Variants in LRMDA observed in about 807,000 individuals in gnomAD.
The protein encoded by LRMDA is leucine-rich melanocyte differentiation-associated protein.
Under a neutral mutation model 29.8 loss-of-function variants are expected in LRMDA, and 18 were observed. That is an observed-to-expected ratio of 0.60 (90% CI 0.42 to 0.90). LRMDA has a LOEUF of 0.90. Ranked by LOEUF, LRMDA falls within the 40% of genes least tolerant of loss-of-function variation. LRMDA has a pLI of 0.00. For synonymous variants in LRMDA, 125 were observed against 109.4 expected, an observed-to-expected ratio of 1.14 and a Z score of -0.89; for missense variants, 273 against 273.9, an observed-to-expected ratio of 1.00 and a Z score of 0.02.
chr10:75,770,966 C>T (rs754056504), intron 2 of LRMDA, among the ~76,000 whole-genome samples: 10 of 152,066 alleles, frequency 6.6e-5, no homozygotes, highest in Non-Finnish European at 1.2e-4. Flanking sequence ...ACAAATTTCA[C>T]AATGGGGCGA....
At chr10:75,452,575 C>CT (rs10636455) in intron 2 of LRMDA, among the ~76,000 whole-genome samples, 2,091 of 117,290 alleles carry the variant, frequency 0.018, 86 homozygotes, top group African/African-American at 0.054. Flanking sequence ...CAGGATATGA[C>CT]TTTTTTTTTT....
chr10:75,512,101 C>T (rs1270966008), intron 2 of LRMDA, among the ~76,000 whole-genome samples: 1 of 152,224 alleles, frequency 6.6e-6, no homozygotes, highest in African/African-American at 2.4e-5. Context: ...ACCACATCAT[C>T]TACACTTTCA....
At chr10:76,168,525 A>C (rs1268022990) in intron 5 of LRMDA, among the ~76,000 whole-genome samples, 4 of 152,334 alleles carry the variant, frequency 2.6e-5, no homozygotes, top group African/African-American at 9.6e-5. Context: ...GAACTTGGCG[A>C]ACTTGGTGAT....
intron 2 of LRMDA, among the ~76,000 whole-genome samples, chr10:75,840,974 A>G (rs1488454480): frequency 6.6e-6 from 1 of 152,226 alleles, no homozygotes; most frequent in Non-Finnish European, 1.5e-5. Context: ...AAAGACCAAT[A>G]TCTCTACTGT....
At chr10:75,807,886 A>T (rs923136656) in intron 2 of LRMDA, among the ~76,000 whole-genome samples, 1 of 152,178 alleles carries the variant, frequency 6.6e-6, no homozygotes, top group Non-Finnish European at 1.5e-5. Context: ...AGCAATGGAC[A>T]TATTTCTGAG....
intron 2 of LRMDA, among the ~76,000 whole-genome samples, chr10:75,466,144 C>T (rs1844647493): frequency 6.6e-6 from 1 of 152,192 alleles, no homozygotes; most frequent in Non-Finnish European, 1.5e-5. Flanking sequence ...GGGTGCTTGC[C>T]TGGCTTCCCA....
chr10:75,509,916 A>C (rs1465399692), intron 2 of LRMDA, among the ~76,000 whole-genome samples: 2 of 152,152 alleles, frequency 1.3e-5, no homozygotes, highest in African/African-American at 4.8e-5. Flanking sequence ...GGGGCTACTG[A>C]TTGTGTGACT....
chr10:76,053,873 C>T (rs1848568776), intron 4 of LRMDA, among the ~76,000 whole-genome samples: 1 of 152,222 alleles, frequency 6.6e-6, no homozygotes, highest in Non-Finnish European at 1.5e-5. Context: ...GCAGCATCAG[C>T]ATCACCTGGG....
rs562776798 is a variant in LRMDA at position 76,026,156 on chromosome 10, G to A, written c.132-9852G>A. The stretch of plus-strand genomic sequence containing the variant: ...TACAGAGTGAAAGGAAAAAGAACTC[G>A]AAAACCATTTAGGTTCATCATTATA... On this transcript the variant is annotated intron_variant, in intron 2 of 6. Coordinates refer to ENST00000611255, the MANE Select transcript of LRMDA (RefSeq NM_001305581.2). 9.9e-5 allele frequency among the ~76,000 whole-genome samples: 15 copies of A among 152,242 alleles called. No homozygotes were observed. The South Asian group carries it at 2.3e-3, about 23-fold the overall frequency.
intron 5 of LRMDA, among the ~76,000 whole-genome samples, chr10:76,132,682 G>C (rs1349130765): frequency 6.6e-6 from 1 of 152,158 alleles, no homozygotes; most frequent in Non-Finnish European, 1.5e-5. Flanking sequence ...GAGCGCATGA[G>C]TACGAGTATC....
At chr10:75,856,395 A>G (rs927114816) in intron 2 of LRMDA, among the ~76,000 whole-genome samples, 2 of 152,164 alleles carry the variant, frequency 1.3e-5, no homozygotes, top group South Asian at 4.1e-4. Flanking sequence ...AGAATTTTAG[A>G]CCAATATCCC....
At chr10:76,140,900 T>G (rs759268255) in intron 5 of LRMDA, among the ~76,000 whole-genome samples, 1 of 152,134 alleles carries the variant, frequency 6.6e-6, no homozygotes, top group Non-Finnish European at 1.5e-5. Flanking sequence ...CCAAAAAGAA[T>G]TATTTAGAAA....
chr10:75,526,247 T>C (rs1845411481), intron 2 of LRMDA, among the ~76,000 whole-genome samples: 2 of 151,944 alleles, frequency 1.3e-5, no homozygotes, highest in South Asian at 4.2e-4. Context: ...TAATTTTTTG[T>C]AGAGATTGGG....
intron 2 of LRMDA, chr10:75,782,933 A>G: frequency 6.2e-7 from 1 of 1,613,022 alleles, no homozygotes; most frequent in Non-Finnish European, 8.5e-7. Context: ...TGCTCAGTGT[A>G]GCCATCAAGA....
intron 2 of LRMDA, among the ~76,000 whole-genome samples, chr10:75,634,558 C>T (rs1009278035): frequency 6.6e-6 from 1 of 152,216 alleles, no homozygotes; most frequent in African/African-American, 2.4e-5. Flanking sequence ...GCTCAATTCA[C>T]TCTGTATGTT....
At chr10:76,194,503 T>C (rs79647797) in intron 5 of LRMDA, among the ~76,000 whole-genome samples, 2,573 of 152,302 alleles carry the variant, frequency 0.017, 40 homozygotes, top group South Asian at 0.078. Context: ...GAATCTCACA[T>C]AGGCTCACAT....
intron 5 of LRMDA, among the ~76,000 whole-genome samples, chr10:76,284,578 A>C (rs773040555): frequency 2.0e-5 from 3 of 152,284 alleles, no homozygotes; most frequent in Non-Finnish European, 4.4e-5. Flanking sequence ...TGTCTTGCAA[A>C]TTCCAACCAG....
At chr10:76,129,878 A>G (rs1177584189) in intron 5 of LRMDA, among the ~76,000 whole-genome samples, 1 of 152,194 alleles carries the variant, frequency 6.6e-6, no homozygotes. Context: ...CTGGGATTCA[A>G]TTCCTAGCTC....
At chr10:76,502,839 G>A (rs1842924344) in intron 6 of LRMDA, among the ~76,000 whole-genome samples, 1 of 151,342 alleles carries the variant, frequency 6.6e-6, no homozygotes, top group Admixed American at 6.6e-5. Context: ...TTTTGTCAGA[G>A]AAGATAGTTT....
Sources: allele counts gnomAD v4.1 joint callset (sites outside exome capture counted in the v4.1 genomes callset), GRCh38; gene constraint gnomAD v4.1.1; transcripts MANE v1.5; gene names NCBI Gene and HGNC (gene_info 2026-07-23, HGNC 2026-07-21).